RELL1: variants seen among roughly 807,000 people sequenced by gnomAD.
RELL1 encodes RELT-like protein 1.
RELL1 carries 10 observed loss-of-function variants against 23.0 expected under a neutral mutation model. The observed-to-expected ratio is 0.43, with a 90% CI of 0.27 to 0.74. The LOEUF is 0.74. RELL1 is among the 30% of genes least tolerant of loss of function. RELL1 has a pLI of 0.19. For missense variants in RELL1, 315 were observed against 364.4 expected, an observed-to-expected ratio of 0.86 and a Z score of 1.10; for synonymous variants, 146 against 146.8, an observed-to-expected ratio of 0.99 and a Z score of 0.04.
rs1719376857 is a variant in RELL1 at position 37,611,533 on chromosome 4, G to T, written c.*1813C>A. On this transcript the variant is annotated 3_prime_UTR_variant, in exon 7 of 7. Transcript: ENST00000454158. Reference sequence around the variant, plus strand: ...ATATTTTTATGGAAATCATCTTTTGGGAGACAAATGAAAGATGTGCATTTT... The same window carrying T: ...ATATTTTTATGGAAATCATCTTTTGTGAGACAAATGAAAGATGTGCATTTT... Among the ~76,000 whole-genome samples, 1 of 152,018 alleles carries T rather than the reference G, an allele frequency of 6.6e-6. No homozygotes were observed. The highest frequency in any genetic ancestry group is 2.1e-4 in the South Asian group (1 of 4,822).
chr4:37,660,601 T>C (rs930885956), intron 1 of RELL1, among the ~76,000 whole-genome samples: 1 of 152,164 alleles, frequency 6.6e-6, no homozygotes, highest in East Asian at 1.9e-4. Flanking sequence ...TAATCTTGAT[T>C]TTGGTCAGCA....
chr4:37,677,709 G>A (rs373440437), intron 1 of RELL1, among the ~76,000 whole-genome samples: 20 of 152,104 alleles, frequency 1.3e-4, no homozygotes, highest in African/African-American at 4.3e-4. Context: ...GGTGGCTCAC[G>A]CCTGTAATCC....
At chr4:37,607,830 C>T (rs906204651), downstream of RELL1, among the ~76,000 whole-genome samples, 2 of 152,058 alleles carry the variant, frequency 1.3e-5, no homozygotes, top group Non-Finnish European at 2.9e-5. Flanking sequence ...CCTCGTGATC[C>T]GCCTGCCTCG....
chr4:37,666,621 G>GAAA, intron 1 of RELL1, among the ~76,000 whole-genome samples: 1 of 152,252 alleles, frequency 6.6e-6, no homozygotes, highest in East Asian at 1.9e-4. Context: ...CAAACATCCA[G>GAAA]AAAAGGACAA....
At chr4:37,665,837 G>T (rs1054009866) in intron 1 of RELL1, among the ~76,000 whole-genome samples, 1 of 152,170 alleles carries the variant, frequency 6.6e-6, no homozygotes, top group Admixed American at 6.5e-5. Context: ...TGGTTTCTGG[G>T]CACAACTGGC....
At chr4:37,599,643 A>T (rs1216228541) in intron 6 of RELL1, among the ~76,000 whole-genome samples, 6 of 152,340 alleles carry the variant, frequency 3.9e-5, no homozygotes, top group Non-Finnish European at 1.5e-5. Context: ...GGGCCAAAGT[A>T]CAGCCTGATT....
chr4:37,618,448 G>C (rs1210709712), intron 6 of RELL1, among the ~76,000 whole-genome samples: 1 of 151,916 alleles, frequency 6.6e-6, no homozygotes, highest in Non-Finnish European at 1.5e-5. Context: ...ATGTTGCCCA[G>C]GCTGATCTCA....
chr4:37,643,568 C>T (rs369229785), intron 3 of RELL1, among the ~76,000 whole-genome samples: 16 of 151,890 alleles, frequency 1.1e-4, no homozygotes, highest in African/African-American at 3.6e-4. Flanking sequence ...CCTTTTTTAA[C>T]GTAAAGGAAA....
At chr4:37,628,738 G>A (rs766147908) in intron 6 of RELL1, among the ~76,000 whole-genome samples, 8 of 152,070 alleles carry the variant, frequency 5.3e-5, no homozygotes, top group Non-Finnish European at 1.0e-4. Context: ...CTTATTTCAC[G>A]TTCAAGGAAA....
chr4:37,598,924 A>G (rs751498973), intron 6 of RELL1, among the ~76,000 whole-genome samples: 36 of 152,002 alleles, frequency 2.4e-4, no homozygotes, highest in Non-Finnish European at 4.3e-4. Context: ...AGCTCAGGCA[A>G]TCCACCCACC....
chr4:37,669,054 T>TGGG (rs1262974092), intron 1 of RELL1, among the ~76,000 whole-genome samples: 7 of 94,386 alleles, frequency 7.4e-5, no homozygotes, highest in Non-Finnish European at 1.2e-4. Flanking sequence ...GGGAGGGAGG[T>TGGG]GGGGGGGTCA....
At chr4:37,606,661 A>C (rs1177621930), downstream of RELL1, among the ~76,000 whole-genome samples, 1 of 152,248 alleles carries the variant, frequency 6.6e-6, no homozygotes, top group East Asian at 1.9e-4. This position sits in a 1 kb window ranked among gnomAD's most constrained non-coding sequence, Gnocchi z 4.1. Flanking sequence ...CAGAGATATC[A>C]GAAGGAATCA....
intron 6 of RELL1, among the ~76,000 whole-genome samples, chr4:37,595,442 C>T (rs150891879): frequency 4.6e-5 from 7 of 152,194 alleles, no homozygotes; most frequent in East Asian, 1.9e-4. Flanking sequence ...AGTTAGTGTA[C>T]GGCACAAGGG....
chr4:37,640,327 T>C (rs1720483696), intron 3 of RELL1, among the ~76,000 whole-genome samples: 1 of 152,238 alleles, frequency 6.6e-6, no homozygotes, highest in African/African-American at 2.4e-5. Flanking sequence ...TAGTAATTTC[T>C]CCTGCACAAT....
In RELL1 at chr4:37,643,105, T is replaced by C. The variant is rs996494601; in HGVS notation, c.385+4263A>G. On this transcript the variant is annotated intron_variant, in intron 3 of 6. Transcript: ENST00000454158. Reference sequence around the variant, plus strand: ...AAGTACCAGAGCCCTGGCTTCCAACTGGCATCCCAAGTAGGGGCAGTCTTT... The same window carrying C: ...AAGTACCAGAGCCCTGGCTTCCAACCGGCATCCCAAGTAGGGGCAGTCTTT... Among the ~76,000 whole-genome samples, 30 of 152,344 alleles carry C rather than the reference T, an allele frequency of 2.0e-4. No homozygotes were observed. In the Middle Eastern group the frequency reaches 0.014, roughly 69 times the overall value.
intron 6 of RELL1, among the ~76,000 whole-genome samples, chr4:37,598,497 A>C (rs1718936483): frequency 6.6e-6 from 1 of 152,118 alleles, no homozygotes; most frequent in Non-Finnish European, 1.5e-5. Context: ...CACCAAATGC[A>C]GTCAGCCTTG....
chr4:37,657,272 T>A (rs528489720), intron 1 of RELL1, among the ~76,000 whole-genome samples: 1 of 152,196 alleles, frequency 6.6e-6, no homozygotes, highest in Non-Finnish European at 1.5e-5. Flanking sequence ...AGTTTTCCAA[T>A]GAAATGGACG....
intron 1 of RELL1, among the ~76,000 whole-genome samples, chr4:37,685,359 T>C (rs1201653990): frequency 6.6e-6 from 1 of 152,066 alleles, no homozygotes; most frequent in East Asian, 1.9e-4. Flanking sequence ...TAACTGCAGC[T>C]GTTAGGTGGC....
intron 6 of RELL1, chr4:37,622,858 G>T: frequency 2.2e-6 from 1 of 446,326 alleles, no homozygotes; most frequent in Non-Finnish European, 4.4e-6. Context: ...CGGCTGAAGT[G>T]CAGTGGCATG....
Sources: gnomAD v4.1 joint callset for allele counts (sites outside exome capture counted in the v4.1 genomes callset) on GRCh38, gnomAD v4.1.1 for gene constraint, Gnocchi (gnomAD v3.1) non-coding constraint, MANE v1.5 for transcripts, NCBI Gene and HGNC (gene_info 2026-07-23, HGNC 2026-07-21) for gene names.